The following FANCI variants were observed in gnomAD, a reference collection of about 807,000 sequenced individuals.
FANCI encodes the protein Fanconi anemia group I protein.
FANCI carries 156 observed loss-of-function variants against 176.1 expected under a neutral mutation model. The observed-to-expected ratio is 0.89, with a 90% confidence interval of 0.78 to 1.01. The LOEUF (loss-of-function observed/expected upper bound fraction) is 1.01. Among genes scored for constraint, FANCI ranks in the 50% least tolerant of loss-of-function variants. The probability of loss-of-function intolerance (pLI) is 0.00; values close to 1 mark genes in which losing one functional copy is unlikely to be tolerated. For missense variants in FANCI, 1,678 were observed against 1,534.1 expected, an observed-to-expected ratio of 1.09 and a Z score of -1.57; for synonymous variants, 613 against 541.7, an observed-to-expected ratio of 1.13 and a Z score of -1.83.
In FANCI at chr15:89,249,195, C is replaced by A. The variant is rs1047070266; in HGVS notation, c.84+1464C>A. ...CAGGCAGTTCATTTGATAAAATGTC[C>A]CACAGAAGATGAACTCAGAGTAAAA... On this transcript the variant is annotated intron_variant, in intron 2 of 37. Transcript: ENST00000310775. Among the ~76,000 whole-genome samples, 6 of 151,946 alleles carry A rather than the reference C, an allele frequency of 3.9e-5. No individual in the cohort carries two copies. In the East Asian group the frequency reaches 1.2e-3, roughly 29 times the overall value.
intron 13 of FANCI, among the ~76,000 whole-genome samples, chr15:89,278,243 T>G (rs1045298791): frequency 2.6e-5 from 4 of 152,210 alleles, no homozygotes; most frequent in Non-Finnish European, 5.9e-5. Flanking sequence ...AGAATGGGTC[T>G]TTTTAACAGC....
At chr15:89,303,977 T>C in intron 28 of FANCI, 62 bp downstream of exon 28, 1 of 1,507,926 alleles carries the variant, frequency 6.6e-7, no homozygotes, top group South Asian at 1.1e-5. Context: ...CCAGTGGCAT[T>C]TGGAAAAGAA....
At position 89,316,830 on chromosome 15, in the gene FANCI, G is replaced by A. The variant is rs751116199; in HGVS notation, c.*371G>A. On this transcript the variant is annotated 3_prime_UTR_variant, in exon 38 of 38. Transcript: ENST00000310775. ...CTGGTAAATATCCAGCGCTTCACCTGAAAGATAGTGCAAATTGGTTAGGAT... is the reference window on the plus strand; with the variant it reads ...CTGGTAAATATCCAGCGCTTCACCTAAAAGATAGTGCAAATTGGTTAGGAT... 1.2e-6 allele frequency: 2 copies of A among 1,611,320 alleles called. No homozygotes were observed. The highest frequency in any genetic ancestry group is 2.2e-5 in the South Asian group (2 of 91,042).
intron 32 of FANCI, 45 bp downstream of exon 32, chr15:89,306,239 G>A: frequency 6.3e-7 from 1 of 1,596,232 alleles, no homozygotes; most frequent in Non-Finnish European, 8.6e-7. Context: ...TTCTACCCCA[G>A]TGAGCCAGGA....
At chr15:89,255,644 G>T (rs187999541) in intron 2 of FANCI, among the ~76,000 whole-genome samples, 1 of 152,264 alleles carries the variant, frequency 6.6e-6, no homozygotes, top group East Asian at 1.9e-4. Context: ...AACACAAAAT[G>T]AGGAATGTTC....
In FANCI at chr15:89,299,787, T is replaced by C; in HGVS notation, c.2637-13T>C. 2 of 1,612,572 alleles carry C rather than the reference T, an allele frequency of 1.2e-6. No homozygotes were observed. The highest frequency in any genetic ancestry group is 1.7e-6 in the Non-Finnish European group (2 of 1,179,476). ...CCTGTCTTTAAAAACAATACCACTT[T>C]CTCCTGCTTCAGAGTCTTGCTATGG... On this transcript the variant is annotated splice_polypyrimidine_tract_variant and intron_variant, in intron 24 of 37. Transcript: ENST00000310775.
At position 89,293,910 on chromosome 15, in the gene FANCI, G is replaced by A. The variant is rs1052403172; in HGVS notation, c.2369G>A (p.Gly790Asp). 5.6e-6 allele frequency: 9 copies of A among 1,614,046 alleles called. No individual in the cohort carries two copies. In the African/African-American group the frequency reaches 1.2e-4, roughly 22 times the overall value. Residue 790 changes from glycine to aspartate, a missense_variant, in exon 23 of 38, where the codon GGT becomes GAT. Gly to Asp is a moderately conservative substitution (Grantham distance 94). Around this residue, in one of 3 missense-constraint regions of FANCI, gnomAD observed 1,204 missense variants for 1,077.4 expected, o/e 1.12. Transcript: ENST00000310775. ...KLSDILNEKAGKAKTKMANKT... is the reference protein window; with the variant it reads ...KLSDILNEKADKAKTKMANKT... ...TCTGACATTCTTAATGAAAAAGCGG[G>A]TAAAGCCAAAACTAAAATGGCCAAC...
rs2052692832 is a variant in FANCI, at chr15:89,261,076, C to T, written c.288+233C>T. 2.0e-5 allele frequency among the ~76,000 whole-genome samples: 3 copies of T among 151,942 alleles called. No homozygotes were observed. The South Asian group carries it at 6.2e-4, about 32-fold the overall frequency. Reference sequence around the variant, plus strand: ...CTCAGGAGTTTGAGACCACCCTCTGCAACATGGTGAAACCCCATCTCTACC... The same window carrying T: ...CTCAGGAGTTTGAGACCACCCTCTGTAACATGGTGAAACCCCATCTCTACC... On this transcript the variant is annotated intron_variant, in intron 4 of 37. Transcript: ENST00000310775.
chr15:89,277,611 CA>C (rs554395033), intron 13 of FANCI, among the ~76,000 whole-genome samples: 5,752 of 48,986 alleles, frequency 0.12, 265 homozygotes, highest in African/African-American at 0.27. Flanking sequence ...GATCCTATCT[CA>C]AAAAAAAAAA....
chr15:89,268,657 T>G, intron 10 of FANCI, 132 bp downstream of exon 10: 1 of 1,134,030 alleles, frequency 8.8e-7, no homozygotes, highest in South Asian at 1.4e-5. Context: ...ATCTCTTTTT[T>G]TTTTTTTACT....
intron 35 of FANCI, 139 bp downstream of exon 35, chr15:89,313,111 G>C: frequency 2.3e-6 from 2 of 852,452 alleles, no homozygotes; most frequent in South Asian, 2.8e-5. Context: ...ATCTAAAAAG[G>C]CAAACTAGAT....
chr15:89,310,271 A>T (rs771050730), intron 34 of FANCI, among the ~76,000 whole-genome samples: 2 of 152,228 alleles, frequency 1.3e-5, no homozygotes, highest in Admixed American at 6.5e-5. Context: ...CTATGTTCCA[A>T]TGAAATTTTC....
In FANCI at chr15:89,314,719, CTTA is replaced by C. The variant is rs374324314; in HGVS notation, c.3816+17_3816+19del. On this transcript the variant is annotated intron_variant, in intron 36 of 37. Transcript: ENST00000310775. ...CTAAGAAGTCCAAGGTAAACATTCTCTTATTATGTGCTACCATTCCCATTTACC... is the reference window on the plus strand; with the variant it reads ...CTAAGAAGTCCAAGGTAAACATTCTCTTATGTGCTACCATTCCCATTTACC... 211 of 1,570,986 alleles carry C rather than the reference CTTA, an allele frequency of 1.3e-4. No homozygotes were observed. In the East Asian group the frequency reaches 3.8e-3, roughly 29 times the overall value.
At position 89,271,944 on chromosome 15, in the gene FANCI, A is replaced by G. The variant is rs74584017; in HGVS notation, c.883-1433A>G. On this transcript the variant is annotated intron_variant, in intron 10 of 37. Coordinates refer to ENST00000310775, the MANE Select transcript of FANCI (RefSeq NM_001113378.2). The stretch of plus-strand genomic sequence containing the variant: ...AATGTAAGTCTTTGTGTGGACATAC[A>G]TTTTATTTCTTTTGTGCATATATCC... 2.7e-3 allele frequency among the ~76,000 whole-genome samples: 411 copies of G among 152,314 alleles called. 8 individuals are homozygous for G. The highest frequency in any genetic ancestry group is 0.015 in the East Asian group (76 of 5,184).
intron 24 of FANCI, among the ~76,000 whole-genome samples, chr15:89,298,740 T>C (rs905510517): frequency 5.3e-5 from 8 of 152,130 alleles, no homozygotes; most frequent in Non-Finnish European, 1.2e-4. Flanking sequence ...ACATTACAAA[T>C]TGCAGAATTG....
At chr15:89,288,305 C>G (rs1432069383) in intron 18 of FANCI, among the ~76,000 whole-genome samples, 1 of 152,080 alleles carries the variant, frequency 6.6e-6, no homozygotes, top group Non-Finnish European at 1.5e-5. Context: ...TGTGTTAACT[C>G]TTGTGCAGTC....
rs150477309 is a variant in FANCI at position 89,247,732 on chromosome 15, G to A, written c.84+1G>A. On this transcript the variant is annotated splice_donor_variant, in intron 2 of 37. Transcript: ENST00000310775. LOFTEE classifies it high-confidence loss of function. ...TCTTCAAACCCTGAGAGAAGGTGATGTGAGTATTAGGAAGCATGTTCTGCT... is the reference window on the plus strand; with the variant it reads ...TCTTCAAACCCTGAGAGAAGGTGATATGAGTATTAGGAAGCATGTTCTGCT... 1.2e-6 allele frequency: 2 copies of A among 1,613,148 alleles called. No individual in the cohort carries two copies. The highest frequency in any genetic ancestry group is 2.2e-5 in the East Asian group (1 of 44,814).
At chr15:89,293,725 C>T (rs972052745) in intron 22 of FANCI, 108 bp from the exon 23 acceptor site, 16 of 1,058,892 alleles carry the variant, frequency 1.5e-5, no homozygotes, top group African/African-American at 6.4e-5. Context: ...TATAATGTTA[C>T]GTCTAAAATA....
intron 11 of FANCI, among the ~76,000 whole-genome samples, chr15:89,273,692 TGTGGTAAGCTAG>T (rs983725131): frequency 2.0e-5 from 3 of 152,200 alleles, no homozygotes; most frequent in Non-Finnish European, 4.4e-5. Context: ...TTTCCTGTTG[TGTGGTAAGCTAG>T]GTAGTGAGGT....
Sources: allele counts gnomAD v4.1 joint callset (sites outside exome capture counted in the v4.1 genomes callset), GRCh38; gene constraint gnomAD v4.1.1; regional missense constraint gnomAD v4.1.1; transcripts MANE v1.5; gene names NCBI Gene and HGNC (gene_info 2026-07-23, HGNC 2026-07-21).